The following FOXN3 variants were observed in gnomAD, a reference collection of about 807,000 sequenced individuals.
The protein encoded by FOXN3 is forkhead box N3.
FOXN3 carries 7 observed loss-of-function variants against 38.4 expected under a neutral mutation model. The ratio of observed to expected loss-of-function variants is 0.18; its 90% confidence interval spans 0.10 to 0.34. FOXN3 has a LOEUF of 0.34. FOXN3 is among the 10% of genes least tolerant of loss of function. The pLI, the probability that FOXN3 is intolerant of heterozygous loss-of-function variation, is 1.00. For missense variants in FOXN3, 456 were observed against 613.4 expected (o/e 0.74, Z 2.71); for synonymous variants, 230 against 242.2 (o/e 0.95, Z 0.47).
At chr14:89,207,223 ACAAAACAAAATAAAG>A (rs1888409020) in intron 4 of FOXN3, among the ~76,000 whole-genome samples, 1 of 152,144 alleles carries the variant, frequency 6.6e-6, no homozygotes, top group South Asian at 2.1e-4. Flanking sequence ...TCTATCTCAA[ACAAAACAAAATAAAG>A]CAAAACAAAA....
At chr14:89,289,919 G>A (rs1259174304) in intron 3 of FOXN3, among the ~76,000 whole-genome samples, 1 of 152,188 alleles carries the variant, frequency 6.6e-6, no homozygotes, top group African/African-American at 2.4e-5. Context: ...TTACCTATCA[G>A]TTACTATGTT....
At chr14:89,458,565 G>C (rs943813899) in intron 1 of FOXN3, among the ~76,000 whole-genome samples, 4 of 152,230 alleles carry the variant, frequency 2.6e-5, no homozygotes, top group African/African-American at 9.6e-5. Context: ...TCTCAGCAGG[G>C]AGATACAATG....
intron 3 of FOXN3, chr14:89,333,057 A>T (rs898900739): frequency 6.6e-6 from 1 of 152,234 alleles, no homozygotes; most frequent in Admixed American, 6.5e-5. Context: ...AAGAATGGCT[A>T]CTATCAGAAA....
chr14:89,388,301 A>G (rs1013347275), intron 2 of FOXN3, among the ~76,000 whole-genome samples: 12 of 152,292 alleles, frequency 7.9e-5, no homozygotes, highest in African/African-American at 2.9e-4. Context: ...TGAGCAAAGG[A>G]TACAGTAATG....
Position 89,350,752 on chromosome 14 carries a change from A to G in FOXN3, c.600T>C (p.Ile200=), listed in dbSNP as rs1419475132. Residue 200 remains isoleucine, a synonymous_variant, in exon 3 of 6, where the codon ATT becomes ATC. Transcript: ENST00000557258. ...GATAAGGTGTCTTTTTCAAAGCCTG[A>G]ATTAGATTTTGTCTATACTCTGGGT... is the stretch of plus-strand genomic sequence containing the variant. ...CIDPEYRQNL[I]QALKKTPYHP... is the part of the protein sequence containing the mutation. 6.2e-7 allele frequency: 1 copy of G among 1,605,578 alleles called. No homozygotes were observed. The highest frequency in any genetic ancestry group is 2.3e-5 in the East Asian group (1 of 44,052).
chr14:89,481,134 A>C (rs1893318919), intron 1 of FOXN3, among the ~76,000 whole-genome samples: 1 of 148,414 alleles, frequency 6.7e-6, no homozygotes. Context: ...AACTCCCTGC[A>C]CTCAGTTTCT....
intron 3 of FOXN3, chr14:89,291,624 T>A: frequency 2.0e-6 from 1 of 496,356 alleles, no homozygotes; most frequent in South Asian, 1.5e-5. Context: ...GTCCTGTCTT[T>A]GGCAATGCAA....
Position 89,280,954 on chromosome 14 carries a change from G to A in FOXN3, c.741C>T (p.Leu247=), listed in dbSNP as rs1172286273. 6.2e-7 allele frequency: 1 copy of A among 1,613,710 alleles called. No individual in the cohort carries two copies. The highest frequency in any genetic ancestry group is 8.5e-7 in the Non-Finnish European group (1 of 1,179,842). ...GGGGTGTTACTAGGGACCTACCTTGGAGAAGGGCTCCATTTCTCTTGAAGA... is the reference window on the plus strand; with the variant it reads ...GGGGTGTTACTAGGGACCTACCTTGAAGAAGGGCTCCATTTCTCTTGAAGA... ...STFFKRNGAL[L]QVPPGVIQNG... The change falls in exon 4 of 6, where the codon CTC becomes CTT. Residue 247 remains leucine (L), a synonymous_variant. Transcript: ENST00000557258.
At chr14:89,179,901 T>C (rs1474528945) in intron 5 of FOXN3, among the ~76,000 whole-genome samples, 1 of 152,222 alleles carries the variant, frequency 6.6e-6, no homozygotes, top group East Asian at 1.9e-4. Context: ...GGAACACATT[T>C]GGCTCGAGGA....
intron 3 of FOXN3, among the ~76,000 whole-genome samples, chr14:89,304,002 A>G (rs1463262154): frequency 4.6e-5 from 7 of 152,234 alleles, no homozygotes; most frequent in African/African-American, 1.4e-4. Flanking sequence ...CAGTCCATAA[A>G]TGATCCTTTC....
chr14:89,182,281 C>T (rs1167562237), intron 4 of FOXN3, among the ~76,000 whole-genome samples: 6 of 152,174 alleles, frequency 3.9e-5, no homozygotes, highest in Admixed American at 2.6e-4. Context: ...CTATTGAATA[C>T]GGGGTAATTT....
chr14:89,406,776 T>TA (rs34914582), intron 2 of FOXN3, among the ~76,000 whole-genome samples: 130 of 147,900 alleles, frequency 8.8e-4, no homozygotes, highest in Non-Finnish European at 9.4e-4. Flanking sequence ...GAGGAAAGGT[T>TA]AAAAAAAAAA....
chr14:89,523,994 C>A (rs1894373576), intron 1 of FOXN3, among the ~76,000 whole-genome samples: 1 of 151,540 alleles, frequency 6.6e-6, no homozygotes, highest in South Asian at 2.1e-4. Context: ...AACTCCTGAC[C>A]TCGTGATCCA....
intron 1 of FOXN3, among the ~76,000 whole-genome samples, chr14:89,540,605 C>T (rs553744989): frequency 1.7e-4 from 26 of 151,974 alleles, no homozygotes; most frequent in East Asian, 7.8e-4. Flanking sequence ...CGAGCGTGGT[C>T]GCACGCACCT....
chr14:89,278,215 T>G (rs560907960), intron 4 of FOXN3, among the ~76,000 whole-genome samples: 1 of 152,126 alleles, frequency 6.6e-6, no homozygotes, highest in Non-Finnish European at 1.5e-5. Context: ...ACGTCTTACA[T>G]GGCGACAGAC....
chr14:89,323,287 C>CAAAAA (rs60059606), intron 3 of FOXN3, among the ~76,000 whole-genome samples: 13 of 75,972 alleles, frequency 1.7e-4, no homozygotes, highest in African/African-American at 2.4e-4. Context: ...GACTCCATCT[C>CAAAAA]AAAAAAAAAA....
At chr14:89,392,757 C>T (rs1163823004) in intron 2 of FOXN3, among the ~76,000 whole-genome samples, 1 of 151,540 alleles carries the variant, frequency 6.6e-6, no homozygotes, top group Non-Finnish European at 1.5e-5. Context: ...TCTCCTGCCG[C>T]AGCCTCCTGA....
At chr14:89,204,837 T>G (rs775140529) in intron 4 of FOXN3, among the ~76,000 whole-genome samples, 3 of 151,952 alleles carry the variant, frequency 2.0e-5, no homozygotes, top group Non-Finnish European at 4.4e-5. Context: ...CATGCATTCA[T>G]GCATCCATCC....
Position 89,599,306 on chromosome 14 carries a change from T to C in FOXN3, c.-15+19722A>G, listed in dbSNP as rs190756240. ...AGTCATTAATTCATTTATGCAACCATAACCATCACCACAATCCAATCTTAC... is the reference window on the plus strand; with the variant it reads ...AGTCATTAATTCATTTATGCAACCACAACCATCACCACAATCCAATCTTAC... On this transcript the variant is annotated intron_variant, in intron 1 of 6. Coordinates refer to the FOXN3 transcript ENST00000345097. Among the ~76,000 whole-genome samples the C allele has an allele frequency of 5.3e-5, 8 of 152,332 alleles. No homozygotes were observed. The East Asian group carries it at 1.5e-3, about 29-fold the overall frequency.
Sources: allele counts gnomAD v4.1 joint callset (sites outside exome capture counted in the v4.1 genomes callset), GRCh38; gene constraint gnomAD v4.1.1; transcripts MANE v1.5; gene names NCBI Gene and HGNC (gene_info 2026-07-23, HGNC 2026-07-21).